COL22A1: variants seen among roughly 807,000 people sequenced by gnomAD.
The protein encoded by COL22A1 is collagen alpha-1(XXII) chain.
Under a neutral mutation model 248.9 loss-of-function variants are expected in COL22A1, and 221 were observed. That is an observed-to-expected ratio of 0.89 (90% CI 0.80 to 0.99). COL22A1 has a LOEUF of 0.99. Among genes scored for constraint, COL22A1 ranks in the 50% least tolerant of loss-of-function variants. The pLI, the probability that COL22A1 is intolerant of heterozygous loss-of-function variation, is 0.00. For missense variants in COL22A1, 2,240 were observed against 2,179.0 expected, an observed-to-expected ratio of 1.03 and a Z score of -0.56; for synonymous variants, 891 against 793.4, an observed-to-expected ratio of 1.12 and a Z score of -2.07.
intron 49 of COL22A1, among the ~76,000 whole-genome samples, chr8:138,632,598 A>G (rs1188206957): frequency 6.6e-6 from 1 of 152,208 alleles, no homozygotes; most frequent in Non-Finnish European, 1.5e-5. Flanking sequence ...TGTACTAGGT[A>G]CAAGCCAAAT....
chr8:138,724,737 T>C, intron 24 of COL22A1, 69 bp from the exon 25 acceptor site: 1 of 1,483,550 alleles, frequency 6.7e-7, no homozygotes, highest in Middle Eastern at 1.7e-4. Flanking sequence ...CTCAACCTCT[T>C]TCCTGGCATG....
intron 16 of COL22A1, among the ~76,000 whole-genome samples, chr8:138,765,499 C>G (rs1339397565): frequency 6.6e-6 from 1 of 152,196 alleles, no homozygotes; most frequent in Admixed American, 6.5e-5. Context: ...AGGAACATGG[C>G]TGTGCTTTGG....
At chr8:138,591,235 A>T (rs986008816) in intron 64 of COL22A1, among the ~76,000 whole-genome samples, 189 bp downstream of exon 64, 5 of 152,180 alleles carry the variant, frequency 3.3e-5, no homozygotes, top group Non-Finnish European at 7.3e-5. Context: ...CAGTTTTCTT[A>T]GTAAGTCAAG....
intron 38 of COL22A1, 151 bp from the exon 39 acceptor site, chr8:138,684,620 G>C: frequency 1.5e-6 from 1 of 662,574 alleles, no homozygotes. Context: ...AACAGAATCT[G>C]GTTTTGAGCC....
intron 51 of COL22A1, among the ~76,000 whole-genome samples, chr8:138,625,773 G>A (rs971457194): frequency 1.3e-5 from 2 of 152,148 alleles, no homozygotes; most frequent in African/African-American, 2.4e-5. Flanking sequence ...TCTATTAAAT[G>A]TAAAGTTTAT....
Position 138,808,821 on chromosome 8 carries a change from A to T in COL22A1, c.1450-1009T>A, listed in dbSNP as rs535509912. On this transcript the variant is annotated intron_variant, in intron 9 of 64. Transcript: ENST00000303045. ...ATGTCATTTGCTCAGGCAAACGAAGATAAATAATTTTTTGTGTGTTTCTCC... is the reference window on the plus strand; with the variant it reads ...ATGTCATTTGCTCAGGCAAACGAAGTTAAATAATTTTTTGTGTGTTTCTCC... Among the ~76,000 whole-genome samples the T allele has an allele frequency of 5.9e-5, 9 of 152,360 alleles. No individual in the cohort carries two copies. The East Asian group carries it at 1.7e-3, about 29-fold the overall frequency.
At chr8:138,676,996 G>T (rs376639663) in intron 40 of COL22A1, among the ~76,000 whole-genome samples, 1 of 151,990 alleles carries the variant, frequency 6.6e-6, no homozygotes, top group Non-Finnish European at 1.5e-5. Context: ...CCAGATTTGC[G>T]CATGCACCCA....
intron 40 of COL22A1, 132 bp from the exon 41 acceptor site, chr8:138,676,767 C>T: frequency 1.5e-6 from 1 of 656,028 alleles, no homozygotes; most frequent in Non-Finnish European, 2.6e-6. Context: ...ATGGGCCATG[C>T]TATAGTCTAC....
intron 37 of COL22A1, 57 bp downstream of exon 37, chr8:138,688,860 T>C: frequency 6.9e-7 from 1 of 1,452,076 alleles, no homozygotes; most frequent in Non-Finnish European, 9.7e-7. Flanking sequence ...GCTCCTTCAG[T>C]GCCTGTAAGA....
intron 32 of COL22A1, among the ~76,000 whole-genome samples, chr8:138,698,030 C>T (rs947021769): frequency 1.3e-5 from 2 of 152,214 alleles, no homozygotes; most frequent in African/African-American, 2.4e-5. Flanking sequence ...AGGCCCCTCA[C>T]GTGCCTTCCC....
rs1050797736 is a variant in COL22A1 at position 138,589,090 on chromosome 8, T to C, written c.*163A>G. On this transcript the variant is annotated 3_prime_UTR_variant, in exon 65 of 65. Coordinates refer to ENST00000303045, the MANE Select transcript of COL22A1 (RefSeq NM_152888.3). The stretch of plus-strand genomic sequence containing the variant: ...GACCGGCAGCGTCTGTTGGATTTAA[T>C]AATTTTGAGGTCTCTCAAGAAAATA... 3.1e-6 allele frequency: 2 copies of C among 640,588 alleles called. No individual in the cohort carries two copies. The highest frequency in any genetic ancestry group is 6.2e-5 in the East Asian group (2 of 32,306). 39.7% of individuals were successfully genotyped at this position (640,588 alleles called of 1,614,324 possible).
chr8:138,846,839 T>C (rs1051804141), intron 3 of COL22A1, among the ~76,000 whole-genome samples: 2 of 152,228 alleles, frequency 1.3e-5, no homozygotes, highest in Non-Finnish European at 2.9e-5. Flanking sequence ...ACCTCTAGGG[T>C]CAGAGAAGTG....
intron 45 of COL22A1, 21 bp from the exon 46 acceptor site, chr8:138,649,799 G>A (rs1019124661): frequency 2.1e-6 from 3 of 1,458,106 alleles, no homozygotes; most frequent in Non-Finnish European, 1.9e-6. Context: ...GGAGAGAGGT[G>A]GGGACAAAGA....
chr8:138,649,851 G>A, intron 45 of COL22A1, 73 bp from the exon 46 acceptor site: 1 of 899,968 alleles, frequency 1.1e-6, no homozygotes. Flanking sequence ...AAGCAAAGTA[G>A]CCCTGGCTGC....
chr8:138,852,542 A>C (rs1282552807), intron 3 of COL22A1, among the ~76,000 whole-genome samples: 1 of 152,080 alleles, frequency 6.6e-6, no homozygotes, highest in Non-Finnish European at 1.5e-5. Context: ...TTCAGATTTC[A>C]AGGCTTGGGG....
rs1563657030 is a variant in COL22A1, at chr8:138,715,568, T to TA, written c.2517+113_2517+114insT. 889 of 432,328 alleles carry TA rather than the reference T, an allele frequency of 2.1e-3. 1 individual carries two copies. The highest frequency in any genetic ancestry group is 8.7e-3 in the African/African-American group (347 of 39,856). The allele number at this position is 432,328 out of a possible 1,614,324, so 26.8% of individuals were successfully genotyped here. A position where few individuals can be genotyped will look rare whatever the true frequency, so the allele number is the denominator to read the frequency against. On this transcript the variant is annotated intron_variant, in intron 30 of 64. Transcript: ENST00000303045. ...TGGATGACAGAGAGAGACTCTCATT[T>TA]TAAAAAAAAAAAAAAAAAAAAAAAG...
At chr8:138,796,757 C>T in intron 12 of COL22A1, 62 bp downstream of exon 12, 2 of 1,120,816 alleles carry the variant, frequency 1.8e-6, no homozygotes, top group East Asian at 2.3e-5. Flanking sequence ...CACACACCTC[C>T]CCCAAACCTA....
chr8:138,686,872 T>C (rs1306428473), intron 37 of COL22A1, among the ~76,000 whole-genome samples: 2 of 152,210 alleles, frequency 1.3e-5, no homozygotes, highest in Non-Finnish European at 2.9e-5. Flanking sequence ...CTTTGCTTAA[T>C]CTAGGCAGTC....
At chr8:138,602,848 G>T (rs1017492159) in intron 59 of COL22A1, among the ~76,000 whole-genome samples, 1 of 152,262 alleles carries the variant, frequency 6.6e-6, no homozygotes, top group South Asian at 2.1e-4. Context: ...CTAAAGCATT[G>T]ACTAATCCCT....
Sources: allele counts gnomAD v4.1 joint callset (sites outside exome capture counted in the v4.1 genomes callset), GRCh38; gene constraint gnomAD v4.1.1; transcripts MANE v1.5; gene names NCBI Gene and HGNC (gene_info 2026-07-23, HGNC 2026-07-21).